COPA: variants seen among roughly 807,000 people sequenced by gnomAD.
COPA encodes coat protein complex I subunit alpha.
Under a neutral mutation model 158.7 loss-of-function variants are expected in COPA, and 10 were observed. That is an observed-to-expected ratio of 0.06 (90% confidence interval 0.04 to 0.11). The LOEUF is 0.11. Ranked by LOEUF, COPA falls within the 10% of genes least tolerant of loss-of-function variation. COPA has a pLI of 1.00. For synonymous variants in COPA, 462 were observed against 542.8 expected, an observed-to-expected ratio of 0.85 and a Z score of 2.07; for missense variants, 1,065 against 1,536.7, an observed-to-expected ratio of 0.69 and a Z score of 5.13.
chr1:160,307,244 C>A lies in COPA; in HGVS notation c.1221G>T (p.Ala407=), dbSNP rs748206343. 1.2e-6 allele frequency: 2 copies of A among 1,614,118 alleles called. No homozygotes were observed. Among genetic ancestry groups the A allele is most frequent in the East Asian group, 4.5e-5 (2 of 44,882 alleles). Residue 407 remains alanine (A), a splice_region_variant and synonymous_variant, in exon 14 of 33, where the codon GCG becomes GCT. Transcript: ENST00000241704. ...GGCCTGAGGATCGTTTCCCTTCAGG[C>A]GCTGAGAAGAACAAAACCAAAGGGT... ...PKDADSQNPD[A]PEGKRSSGLT...
intron 31 of COPA, 42 bp from the exon 32 acceptor site, chr1:160,290,728 G>C (rs1431413412): frequency 6.3e-7 from 1 of 1,579,074 alleles, no homozygotes; most frequent in African/African-American, 1.3e-5. Flanking sequence ...GAAGGCTGCA[G>C]ACAACACCTC....
In COPA at chr1:160,289,159, G is replaced by A. The variant is rs1266083072; in HGVS notation, c.*998C>T. 1 of 150,006 alleles carries A rather than the reference G, an allele frequency of 6.7e-6. No individual in the cohort carries two copies. Among genetic ancestry groups the A allele is most frequent in the African/African-American group, 2.5e-5 (1 of 40,494 alleles). 9.3% of individuals were successfully genotyped at this position (150,006 alleles called of 1,614,324 possible). A position where few individuals can be genotyped will look rare whatever the true frequency, so the allele number is the denominator to read the frequency against. On this transcript the variant is annotated 3_prime_UTR_variant, in exon 33 of 33. Coordinates refer to ENST00000241704, the MANE Select transcript of COPA (RefSeq NM_004371.4). ...TAGCTTTTTTTTTTTTTTTCCAATA[G>A]TGGATGTTTATTTTGTAATTAAAAA...
rs769707936 is a variant in COPA, at chr1:160,307,164, G to A, written c.1301C>T (p.Ser434Leu). Residue 434 changes from serine to leucine, a missense_variant and splice_region_variant, in exon 14 of 33, where the codon TCG becomes TTG. Physicochemically the swap from Ser to Leu is moderately radical, Grantham distance 145. Around this residue, in one of 2 missense-constraint regions of COPA, gnomAD observed 980 missense variants for 1,357.8 expected, o/e 0.72. Transcript: ENST00000241704. ...NRFAVLDRMH[S>L]LLIKNLKNEI... ...TTTCTGCTTTTAGTCTTAACTCACCGAATGCATCCGATCTAGGACAGCAAA... is the reference window on the plus strand; with the variant it reads ...TTTCTGCTTTTAGTCTTAACTCACCAAATGCATCCGATCTAGGACAGCAAA... 1.5e-5 allele frequency: 24 copies of A among 1,614,020 alleles called. No homozygotes were observed. The highest frequency in any genetic ancestry group is 8.8e-5 in the South Asian group (8 of 91,072).
chr1:160,340,086 T>A, intron 2 of COPA, 95 bp downstream of exon 2: 1 of 1,496,364 alleles, frequency 6.7e-7, no homozygotes, highest in Non-Finnish European at 9.3e-7. Context: ...CCACATTCTT[T>A]AATCATAGAG....
Position 160,323,530 on chromosome 1 carries a change from C to G in COPA, c.607G>C (p.Gly203Arg). 6.2e-7 allele frequency: 1 copy of G among 1,605,984 alleles called. No individual in the cohort carries two copies. Among genetic ancestry groups the G allele is most frequent in the Non-Finnish European group, 8.5e-7 (1 of 1,175,304 alleles). Residue 203 changes from glycine (G) to arginine (R), a missense_variant and splice_region_variant, in exon 8 of 33, where the codon GGT (glycine) becomes CGT (arginine). By Grantham distance (125) the Gly-to-Arg change is moderately radical (BLOSUM62 -2). Around this residue, in one of 2 missense-constraint regions of COPA, gnomAD observed 980 missense variants for 1,357.8 expected, o/e 0.72. Transcript: ENST00000241704. ...GCCCAGTTTACTCCACGATCGTGAC[C>G]CTGTAGAAAAGAGTGGTTCTTCTAA... is the stretch of plus-strand genomic sequence containing the variant. Reference protein sequence around the residue: ...TDAVVKHVLEGHDRGVNWAAF... With the variant: ...TDAVVKHVLERHDRGVNWAAF...
chr1:160,332,373 T>C (rs934510215), intron 6 of COPA, 75 bp downstream of exon 6: 1 of 913,130 alleles, frequency 1.1e-6, no homozygotes, highest in African/African-American at 1.7e-5. Flanking sequence ...CTAAGTCAAC[T>C]CTCCTCACTA....
At chr1:160,306,066 A>G (rs975463270) in intron 15 of COPA, 2 of 567,206 alleles carry the variant, frequency 3.5e-6, no homozygotes, top group Non-Finnish European at 6.2e-6. Flanking sequence ...AAATGTAGGA[A>G]CTATGTTATT....
At position 160,333,771 on chromosome 1, in the gene COPA, T is replaced by C. The variant is rs541110372; in HGVS notation, c.310-92A>G. 11 of 974,388 alleles carry C rather than the reference T, an allele frequency of 1.1e-5. No homozygotes were observed. The African/African-American group carries it at 1.7e-4, about 15-fold the overall frequency. 60.4% of individuals were successfully genotyped at this position (974,388 alleles called of 1,614,324 possible). A position where few individuals can be genotyped will look rare whatever the true frequency, so the allele number is the denominator to read the frequency against. On this transcript the variant is annotated intron_variant, in intron 4 of 32. Coordinates refer to ENST00000241704, the MANE Select transcript of COPA (RefSeq NM_004371.4). ...ATTTTTCTCTAAAGAACTGCATTGC[T>C]TAACGGCTCAGCTACATTAGCAAAG...
At chr1:160,332,390 G>A (rs1647567619) in intron 6 of COPA, 58 bp downstream of exon 6, 1 of 1,142,966 alleles carries the variant, frequency 8.7e-7, no homozygotes, top group African/African-American at 1.6e-5. Flanking sequence ...ACTATTTTAA[G>A]CAATTGCAGT....
chr1:160,340,997 G>A (rs901784093), intron 1 of COPA, among the ~76,000 whole-genome samples: 3 of 152,270 alleles, frequency 2.0e-5, no homozygotes, highest in Non-Finnish European at 2.9e-5. Context: ...AGTAATCTAC[G>A]ACAATCACAG....
chr1:160,296,162 C>A lies in COPA; in HGVS notation c.2264-13G>T. On this transcript the variant is annotated splice_polypyrimidine_tract_variant and intron_variant, in intron 21 of 32. Coordinates refer to ENST00000241704, the MANE Select transcript of COPA (RefSeq NM_004371.4). ...TAGGCCAGGGACTCTGTAGAGAAAA[C>A]AGACTTTGTGGTATAGGTACATTTC... The A allele has an allele frequency of 6.2e-7, 1 of 1,612,622 alleles. No individual in the cohort carries two copies. Among genetic ancestry groups the A allele is most frequent in the Non-Finnish European group, 8.5e-7 (1 of 1,178,640 alleles).
intron 8 of COPA, among the ~76,000 whole-genome samples, chr1:160,318,169 G>T (rs1197907640): frequency 1.3e-5 from 2 of 152,054 alleles, no homozygotes; most frequent in East Asian, 3.8e-4. Flanking sequence ...TTAAATTTGA[G>T]GGTCTGGACC....
rs1658223678 is a variant in COPA at position 160,291,330 on chromosome 1, T to G, written c.3420+5A>C. The G allele has an allele frequency of 1.2e-6, 2 of 1,613,158 alleles. No homozygotes were observed. Among genetic ancestry groups the G allele is most frequent in the Admixed American group, 1.7e-5 (1 of 59,998 alleles). The stretch of plus-strand genomic sequence containing the variant: ...CCCTATGGTCACTGAAGGAGTTCCA[T>G]CTACCTGTTGGGCCACCTCAGGCTT... On this transcript the variant is annotated splice_donor_5th_base_variant and intron_variant, in intron 31 of 32. Coordinates refer to ENST00000241704, the MANE Select transcript of COPA (RefSeq NM_004371.4).
chr1:160,318,487 A>AAAAAAAAAAAAAAAAAAAAAAAAAAC (rs1659226971), intron 8 of COPA, among the ~76,000 whole-genome samples: 1 of 67,898 alleles, frequency 1.5e-5, no homozygotes, highest in Non-Finnish European at 2.5e-5. Context: ...AAAAAAAAAA[A>AAAAAAAAAAAAAAAAAAAAAAAAAAC]AAAACAAAAA....
chr1:160,291,918 G>A lies in COPA; in HGVS notation c.3159C>T (p.Leu1053=). ...CAATGTACTCACGGCAAATGGTGAT[G>A]AGCTGCTGGGCCTGTAGAGGGGGCA... ...NKQEIAEAQQ[L]ITICREYIVG... Residue 1053 remains leucine (L), a synonymous_variant, in exon 30 of 33, where the codon CTC becomes CTT. Transcript: ENST00000241704. 1 of 1,614,172 alleles carries A rather than the reference G, an allele frequency of 6.2e-7. No individual in the cohort carries two copies. The highest frequency in any genetic ancestry group is 8.5e-7 in the Non-Finnish European group (1 of 1,180,038).
rs12073714 is a variant in COPA at position 160,307,846 on chromosome 1, C to T, written c.1220-601G>A. 2.0e-3 allele frequency among the ~76,000 whole-genome samples: 300 copies of T among 152,308 alleles called. 4 individuals carry two copies. The highest frequency in any genetic ancestry group is 6.1e-3 in the African/African-American group (253 of 41,566). On this transcript the variant is annotated intron_variant, in intron 13 of 32. Transcript: ENST00000241704. ...TATTAGAATTTTGAAATGGACACTCCATTCTCTGGGAAACTTGTAGAAGGA... is the reference window on the plus strand; with the variant it reads ...TATTAGAATTTTGAAATGGACACTCTATTCTCTGGGAAACTTGTAGAAGGA...
intron 13 of COPA, 100 bp downstream of exon 13, chr1:160,309,001 G>T: frequency 1.1e-6 from 1 of 905,694 alleles, no homozygotes; most frequent in Non-Finnish European, 1.8e-6. Context: ...TGAGTGATGT[G>T]GCCATGGCTT....
At chr1:160,299,386 G>A in intron 17 of COPA, 122 bp from the exon 18 acceptor site, 1 of 969,972 alleles carries the variant, frequency 1.0e-6, no homozygotes, top group Non-Finnish European at 1.5e-6. Context: ...TAGATGGGAA[G>A]TGATTCAAAA....
At chr1:160,327,060 C>A (rs539265821) in intron 6 of COPA, among the ~76,000 whole-genome samples, 1 of 151,832 alleles carries the variant, frequency 6.6e-6, no homozygotes, top group Non-Finnish European at 1.5e-5. Context: ...TGATAACAAA[C>A]CTTTGGAATG....
Sources: allele counts gnomAD v4.1 joint callset (sites outside exome capture counted in the v4.1 genomes callset), GRCh38; gene constraint gnomAD v4.1.1; regional missense constraint gnomAD v4.1.1; transcripts MANE v1.5; gene names NCBI Gene and HGNC (gene_info 2026-07-23, HGNC 2026-07-21).